The following SLC25A21 variants were observed in gnomAD, a reference collection of about 807,000 sequenced individuals.
The protein encoded by SLC25A21 is mitochondrial 2-oxodicarboxylate carrier.
A neutral mutation model predicts 43.8 loss-of-function variants in SLC25A21; 47 were observed. That is an observed-to-expected ratio of 1.07 (90% CI 0.85 to 1.37). The LOEUF (loss-of-function observed/expected upper bound fraction) is 1.37, where lower values mean the gene tolerates loss of function less well. Among genes scored for constraint, SLC25A21 ranks in the 40% most tolerant of loss-of-function variants. SLC25A21 has a pLI of 0.00. For synonymous variants in SLC25A21, 131 were observed against 121.3 expected, an observed-to-expected ratio of 1.08 and a Z score of -0.52; for missense variants, 352 against 350.2, an observed-to-expected ratio of 1.00 and a Z score of -0.04.
At chr14:37,010,151 A>G (rs1181618790) in intron 1 of SLC25A21, among the ~76,000 whole-genome samples, 1 of 152,242 alleles carries the variant, frequency 6.6e-6, no homozygotes, top group Non-Finnish European at 1.5e-5. Context: ...AAGATTTAAT[A>G]AGATGAAACG....
intron 1 of SLC25A21, among the ~76,000 whole-genome samples, chr14:36,976,546 A>T (rs1216740612): frequency 6.6e-6 from 1 of 151,626 alleles, no homozygotes; most frequent in Admixed American, 6.6e-5. Flanking sequence ...GATAAAAAAA[A>T]ACAAAACAAA....
At chr14:36,936,645 A>G (rs1440065322) in intron 1 of SLC25A21, among the ~76,000 whole-genome samples, 1 of 152,214 alleles carries the variant, frequency 6.6e-6, no homozygotes, top group African/African-American at 2.4e-5. Context: ...TTAAGGTAAG[A>G]TTGAATTTCA....
chr14:37,063,883 C>A (rs766411996), intron 1 of SLC25A21, among the ~76,000 whole-genome samples: 3 of 152,130 alleles, frequency 2.0e-5, no homozygotes, highest in Non-Finnish European at 4.4e-5. Context: ...CGAAATGCAA[C>A]CCAAACAAGA....
At chr14:37,074,959 T>C in intron 1 of SLC25A21, among the ~76,000 whole-genome samples, 1 of 152,230 alleles carries the variant, frequency 6.6e-6, no homozygotes, top group East Asian at 1.9e-4. Context: ...GTCCTGGAAA[T>C]ACAAAGTTGT....
At chr14:37,109,830 A>G (rs913022280) in intron 1 of SLC25A21, among the ~76,000 whole-genome samples, 3 of 152,124 alleles carry the variant, frequency 2.0e-5, no homozygotes, top group Admixed American at 6.6e-5. Context: ...ATTCTTTTCT[A>G]TAGATAACCT....
At position 36,678,849 on chromosome 14, in the gene SLC25A21, A is replaced by AAAG. The variant is rs573702890; in HGVS notation, c.*1806_*1808dup. Reference sequence around the variant, plus strand: ...GTGAATTCACATGGAGTAATTTTTAAAAGATATCAGATACAATTTGCTATT... The same window carrying AAAG: ...GTGAATTCACATGGAGTAATTTTTAAAAGAAGATATCAGATACAATTTGCTATT... On this transcript the variant is annotated 3_prime_UTR_variant, in exon 10 of 10. Transcript: ENST00000331299. 26 of 978,894 alleles carry AAAG rather than the reference A, an allele frequency of 2.7e-5. No individual in the cohort carries two copies. Among genetic ancestry groups the AAAG allele is most frequent in the African/African-American group, 2.3e-4 (13 of 57,642 alleles). The allele number at this position is 978,894 out of a possible 1,614,324, so 60.6% of individuals were successfully genotyped here.
chr14:36,895,227 T>A (rs1891203695), intron 1 of SLC25A21, among the ~76,000 whole-genome samples: 1 of 152,240 alleles, frequency 6.6e-6, no homozygotes, highest in African/African-American at 2.4e-5. Flanking sequence ...AGCCCATTAT[T>A]GGTCTATTCG....
At chr14:36,887,746 CTGTT>C (rs1212056079) in intron 1 of SLC25A21, among the ~76,000 whole-genome samples, 1 of 152,138 alleles carries the variant, frequency 6.6e-6, no homozygotes, top group Non-Finnish European at 1.5e-5. Flanking sequence ...TCTGGGGACT[CTGTT>C]TGCTTTCTAC....
chr14:37,030,538 T>C (rs929483346), intron 1 of SLC25A21, among the ~76,000 whole-genome samples: 2 of 152,238 alleles, frequency 1.3e-5, no homozygotes, highest in Non-Finnish European at 1.5e-5. Flanking sequence ...TCTTGCACCA[T>C]GTACATACTT....
chr14:36,737,304 G>A (rs1319368960), intron 3 of SLC25A21, among the ~76,000 whole-genome samples: 1 of 152,208 alleles, frequency 6.6e-6, no homozygotes, highest in Non-Finnish European at 1.5e-5. Flanking sequence ...TGATGCAGGA[G>A]AGAAGAAGAG....
chr14:37,107,889 C>A (rs1289026898), intron 1 of SLC25A21, among the ~76,000 whole-genome samples: 1 of 152,138 alleles, frequency 6.6e-6, no homozygotes, highest in Non-Finnish European at 1.5e-5. Context: ...GTAAAAATGA[C>A]AATAGGCCTC....
At chr14:37,054,403 A>T (rs1172517675) in intron 1 of SLC25A21, among the ~76,000 whole-genome samples, 2 of 152,172 alleles carry the variant, frequency 1.3e-5, no homozygotes, top group South Asian at 4.1e-4. Flanking sequence ...ATAAAATACA[A>T]TTTTTTTGTT....
At chr14:37,012,206 G>A (rs772447419) in intron 1 of SLC25A21, among the ~76,000 whole-genome samples, 35 of 152,208 alleles carry the variant, frequency 2.3e-4, no homozygotes, top group Non-Finnish European at 3.8e-4. Context: ...GTATATCACC[G>A]CTGAAATTAG....
In SLC25A21 at chr14:36,811,852, T is replaced by C. The variant is rs890714720; in HGVS notation, c.203+2066A>G. On this transcript the variant is annotated intron_variant, in intron 3 of 9. Transcript: ENST00000331299. ...TAATGTAAAAAACTACCAGAAGAAA[T>C]GTTTATAATCTTGGGGTTAGAGAAT... is the stretch of plus-strand genomic sequence containing the variant. Among the ~76,000 whole-genome samples the C allele has an allele frequency of 3.9e-5, 6 of 152,118 alleles. No homozygotes were observed. The East Asian group carries it at 9.6e-4, about 24-fold the overall frequency.
intron 1 of SLC25A21, among the ~76,000 whole-genome samples, chr14:37,091,619 A>G (rs1962588392): frequency 6.6e-6 from 1 of 152,186 alleles, no homozygotes; most frequent in Non-Finnish European, 1.5e-5. Flanking sequence ...GAACATGTGC[A>G]TTAGATGATG....
intron 1 of SLC25A21, among the ~76,000 whole-genome samples, chr14:36,923,190 A>G (rs1045012055): frequency 6.6e-6 from 1 of 152,222 alleles, no homozygotes; most frequent in African/African-American, 2.4e-5. Context: ...CTGTAAAGCA[A>G]TGATAAAGAG....
intron 3 of SLC25A21, among the ~76,000 whole-genome samples, chr14:36,767,513 G>A (rs946333583): frequency 6.6e-6 from 1 of 152,132 alleles, no homozygotes; most frequent in African/African-American, 2.4e-5. Context: ...TAAATTGTGT[G>A]GTACTTTGGG....
intron 3 of SLC25A21, chr14:36,806,958 G>A (rs911821276): frequency 5.3e-5 from 8 of 152,178 alleles, no homozygotes; most frequent in Admixed American, 2.6e-4. Flanking sequence ...GGGAGCACTC[G>A]AGGGAGGTCC....
At chr14:37,162,381 G>C (rs1477741406) in intron 1 of SLC25A21, among the ~76,000 whole-genome samples, 2 of 152,134 alleles carry the variant, frequency 1.3e-5, no homozygotes, top group Non-Finnish European at 2.9e-5. Context: ...TTTCTTCTAG[G>C]GTTTACTCAT....
Sources: gnomAD v4.1 joint callset for allele counts (sites outside exome capture counted in the v4.1 genomes callset) on GRCh38, gnomAD v4.1.1 for gene constraint, MANE v1.5 for transcripts, NCBI Gene and HGNC (gene_info 2026-07-23, HGNC 2026-07-21) for gene names.